The following THOC6 variants were observed in gnomAD, a reference collection of about 807,000 sequenced individuals.
The protein encoded by THOC6 is THO complex 6.
In THOC6, 39 loss-of-function variants were observed where a neutral mutation model predicts 55.8. The ratio of observed to expected loss-of-function variants is 0.70; its 90% confidence interval spans 0.54 to 0.91. The LOEUF (loss-of-function observed/expected upper bound fraction) is 0.91, where lower values mean the gene tolerates loss of function less well. Among genes scored for constraint, THOC6 ranks in the 40% least tolerant of loss-of-function variants. The pLI is 0.00. For missense variants in THOC6, 482 were observed against 442.0 expected, an observed-to-expected ratio of 1.09 and a Z score of -0.81; for synonymous variants, 192 against 175.6, an observed-to-expected ratio of 1.09 and a Z score of -0.74.
chr16:3,027,264 C>T lies in THOC6; in HGVS notation c.794C>T (p.Thr265Ile). The T allele has an allele frequency of 1.9e-6, 3 of 1,614,232 alleles. 1 individual carries two copies. The highest frequency in any genetic ancestry group is 2.2e-5 in the East Asian group (1 of 44,890). Residue 265 changes from threonine (T) to isoleucine (I), a missense_variant, in exon 11 of 13, where the codon ACC (threonine) becomes ATC (isoleucine). By Grantham distance (89) the Thr-to-Ile change is moderately conservative. Transcript: ENST00000326266. ...FPIRAPQKHV[T>I]FYQDLILSAG... ...ATCCGGGCGCCACAGAAGCACGTCA[C>T]CTTCTACCAGGACCTGGTGAGGCCC...
Position 3,024,151 on chromosome 16 carries a change from C to A in THOC6, c.-176C>A, listed in dbSNP as rs1035294223. On this transcript the variant is annotated 5_prime_UTR_variant, in exon 1 of 13. Transcript: ENST00000326266. ...AAGGGGGCTGCGGTGGACACCACTT[C>A]TTAATGTCGGGGGTCTTCGCGGCGC... 8 of 771,090 alleles carry A rather than the reference C, an allele frequency of 1.0e-5. No homozygotes were observed. The highest frequency in any genetic ancestry group is 1.7e-5 in the Non-Finnish European group (8 of 473,782). 47.8% of individuals were successfully genotyped at this position (771,090 alleles called of 1,614,324 possible). A position where few individuals can be genotyped will look rare whatever the true frequency, so the allele number is the denominator to read the frequency against.
rs780072471 is a variant in THOC6, at chr16:3,027,018, C to T, written c.644C>T (p.Ser215Leu). The change falls in exon 10 of 13, where the codon TCG (serine) becomes TTG (leucine). Residue 215 changes from serine (S) to leucine (L), a missense_variant. Physicochemically the swap from Ser to Leu is moderately radical, Grantham distance 145 (BLOSUM62 -2). Coordinates refer to ENST00000326266, the MANE Select transcript of THOC6 (RefSeq NM_024339.5). ...CTCCCCTCCCCATCCCAGGAGTGCT[C>T]GAGGCCCCACAATGGGCGCTGGATT... Reference protein sequence around the residue: ...TIEVYKHEECSRPHNGRWIGC... With the variant: ...TIEVYKHEECLRPHNGRWIGC... 11 of 1,614,040 alleles carry T rather than the reference C, an allele frequency of 6.8e-6. No homozygotes were observed. Among genetic ancestry groups the T allele is most frequent in the African/African-American group, 5.3e-5 (4 of 74,900 alleles).
In THOC6 at chr16:3,027,112, G is replaced by A. The variant is rs199992947; in HGVS notation, c.699+39G>A. The A allele has an allele frequency of 2.0e-5, 32 of 1,614,142 alleles. No individual in the cohort carries two copies. In the East Asian group the frequency reaches 6.9e-4, roughly 35 times the overall value. On this transcript the variant is annotated intron_variant, in intron 10 of 12. Transcript: ENST00000326266. ...ACTGTGGGATGGGATGGCAGCTCCGGGCCCTGTCAGCTGTGGGCCTGTGGT... is the reference window on the plus strand; with the variant it reads ...ACTGTGGGATGGGATGGCAGCTCCGAGCCCTGTCAGCTGTGGGCCTGTGGT...
At chr16:3,026,192 C>T in intron 4 of THOC6, 26 bp downstream of exon 4, 1 of 1,613,090 alleles carries the variant, frequency 6.2e-7, no homozygotes, top group Non-Finnish European at 8.5e-7. Flanking sequence ...TGGGAAAGGG[C>T]TGGGGTGCCT....
chr16:3,026,272 CGTCAGCCTCCATACAGGTGA>C lies in THOC6; in HGVS notation c.348_362+5del, dbSNP rs750782972. 1.2e-6 allele frequency: 2 copies of C among 1,613,972 alleles called. No homozygotes were observed. Among genetic ancestry groups the C allele is most frequent in the African/African-American group, 2.7e-5 (2 of 74,878 alleles). On this transcript the variant is annotated splice_donor_variant and splice_donor_region_variant and coding_sequence_variant and intron_variant, in exon 5 of 13. Transcript: ENST00000326266. LOFTEE classifies it high-confidence loss of function. ...GAAGGGCTGTAAGGAGCTGTGGCGTCGTCAGCCTCCATACAGGTGAGCAGGGCCACGTGGATAGAGGGTGC... is the reference window on the plus strand; with the variant it reads ...GAAGGGCTGTAAGGAGCTGTGGCGTCGCAGGGCCACGTGGATAGAGGGTGC...
Position 3,025,701 on chromosome 16 carries a change from C to T in THOC6, c.40-7C>T, listed in dbSNP as rs766241472. 2 of 1,613,364 alleles carry T rather than the reference C, an allele frequency of 1.2e-6. No homozygotes were observed. Among genetic ancestry groups the T allele is most frequent in the Non-Finnish European group, 1.7e-6 (2 of 1,179,302 alleles). On this transcript the variant is annotated splice_region_variant and splice_polypyrimidine_tract_variant and intron_variant, in intron 1 of 12. Transcript: ENST00000326266. ...CCAGGCAGGCCTCATCCAGTCTTTCCCTGCAGACAGAGGTGTTCCAGGCCT... is the reference window on the plus strand; with the variant it reads ...CCAGGCAGGCCTCATCCAGTCTTTCTCTGCAGACAGAGGTGTTCCAGGCCT...
rs534564847 is a variant in THOC6 at position 3,027,424 on chromosome 16, A to G, written c.869A>G (p.Lys290Arg). The change falls in exon 12 of 13, where the codon AAG (lysine) becomes AGG (arginine). Residue 290 changes from lysine (K) to arginine (R), a missense_variant. Transcript: ENST00000326266. ...CAGTGGCAGCTGAGCGGGGAGCTGA[A>G]GGCCCAGGTGCCTGGCTCCTCCCCA... is the stretch of plus-strand genomic sequence containing the variant. Reference protein sequence around the residue: ...VNQWQLSGELKAQVPGSSPGL... With the variant: ...VNQWQLSGELRAQVPGSSPGL... 8 of 1,612,144 alleles carry G rather than the reference A, an allele frequency of 5.0e-6. No homozygotes were observed. The Admixed American group carries it at 1.0e-4, about 20-fold the overall frequency.
In THOC6 at chr16:3,027,705, TTTTC is replaced by T; in HGVS notation, c.*52_*55del. The T allele has an allele frequency of 1.3e-6, 2 of 1,486,088 alleles. No homozygotes were observed. The highest frequency in any genetic ancestry group is 8.9e-7 in the Non-Finnish European group (1 of 1,117,786). 92.1% of individuals were successfully genotyped at this position (1,486,088 alleles called of 1,614,324 possible). On this transcript the variant is annotated 3_prime_UTR_variant, in exon 13 of 13. Transcript: ENST00000326266. ...GCTCAGGGTTTTAGAGTGTTTTTCA[TTTTC>T]TTTTTTTTTTTTTTTTTACAATAAA...
At position 3,027,338 on chromosome 16, in the gene THOC6, C is replaced by T. The variant is rs561197137; in HGVS notation, c.811-28C>T. On this transcript the variant is annotated intron_variant, in intron 11 of 12. Transcript: ENST00000326266. ...ACTGACTCTTCCCTTCAGTCCTGAC[C>T]CCTGAGCACCTTCCCTGTCCTCTGC... 4.3e-6 allele frequency: 7 copies of T among 1,613,878 alleles called. No homozygotes were observed. The Admixed American group carries it at 5.0e-5, about 12-fold the overall frequency.
Position 3,026,549 on chromosome 16 carries a change from C to G in THOC6, c.445C>G (p.Gln149Glu), listed in dbSNP as rs374551434. ...CCTCATCCTGGCTGGGGGAGACTGT[C>G]AGTTGCACACTATGGACCTTGAAAC... ...NSLILAGGDC[Q>E]LHTMDLETGT... Residue 149 changes from glutamine to glutamate, a missense_variant, in exon 7 of 13, where the codon CAG becomes GAG. Gln to Glu is a conservative substitution (Grantham distance 29, BLOSUM62 2). Transcript: ENST00000326266. The G allele has an allele frequency of 1.7e-5, 27 of 1,614,016 alleles. No individual in the cohort carries two copies. The highest frequency in any genetic ancestry group is 2.3e-5 in the Non-Finnish European group (27 of 1,180,020).
chr16:3,027,597 C>G lies in THOC6; in HGVS notation c.966C>G (p.Asn322Lys). Residue 322 changes from asparagine (N) to lysine (K), a missense_variant, in exon 13 of 13, where the codon AAC (asparagine) becomes AAG (lysine). Physicochemically the swap from Asn to Lys is moderately conservative, Grantham distance 94. Transcript: ENST00000326266. ...PECKVLTAAG[N>K]SCRVDVFTNL... ...TCCAGGTCCTGACAGCTGCAGGCAA[C>G]AGCTGCCGGGTGGATGTCTTCACCA... 1 of 1,614,146 alleles carries G rather than the reference C, an allele frequency of 6.2e-7. No individual in the cohort carries two copies. The highest frequency in any genetic ancestry group is 8.5e-7 in the Non-Finnish European group (1 of 1,180,008).
rs1330638676 is a variant in THOC6 at position 3,024,351 on chromosome 16, G to T, written c.25G>T (p.Val9Leu). The T allele has an allele frequency of 6.2e-7, 1 of 1,614,176 alleles. No homozygotes were observed. The highest frequency in any genetic ancestry group is 1.1e-5 in the South Asian group (1 of 91,088). The change falls in exon 1 of 13, where the codon GTG (valine) becomes TTG (leucine). Residue 9 changes from valine (V) to leucine (L), a missense_variant. Transcript: ENST00000326266. MERAVPLA[V>L]PLGQTEVFQA... ...GATGGAGCGAGCTGTGCCGCTCGCG[G>T]TGCCTCTGGGTCAGGTGAGACGGAC...
In THOC6 at chr16:3,026,569, T is replaced by G. The variant is rs1452756542; in HGVS notation, c.465T>G (p.Leu155=). 3.1e-6 allele frequency: 5 copies of G among 1,614,018 alleles called. No individual in the cohort carries two copies. The highest frequency in any genetic ancestry group is 4.2e-6 in the Non-Finnish European group (5 of 1,179,974). The part of the protein sequence containing the change: ...GGDCQLHTMD[L]ETGTFTRVLR... ...ACTGTCAGTTGCACACTATGGACCT[T>G]GAAACTGGGACTTTCACGGTGAGCA... The change falls in exon 7 of 13, where the codon CTT becomes CTG. Residue 155 remains leucine, a synonymous_variant. Coordinates refer to ENST00000326266, the MANE Select transcript of THOC6 (RefSeq NM_024339.5).
chr16:3,024,857 A>T (rs2072743226), intron 1 of THOC6, among the ~76,000 whole-genome samples: 1 of 150,810 alleles, frequency 6.6e-6, no homozygotes, highest in South Asian at 2.1e-4. Context: ...CTGGTCTCGA[A>T]CTCCTGACCT....
intron 1 of THOC6, 75 bp from the exon 2 acceptor site, chr16:3,025,633 G>T: frequency 1.4e-6 from 2 of 1,431,102 alleles, no homozygotes; most frequent in East Asian, 2.3e-5. Flanking sequence ...GCAGGTTTTG[G>T]GGGAAGCAGG....
intron 1 of THOC6, among the ~76,000 whole-genome samples, chr16:3,024,745 C>T (rs1375101329): frequency 1.3e-5 from 2 of 151,282 alleles, no homozygotes; most frequent in East Asian, 3.9e-4. Context: ...AGCGATTCTC[C>T]TGCCTCAGCC....
chr16:3,024,164 G>C lies in THOC6; in HGVS notation c.-163G>C. 1.2e-6 allele frequency: 1 copy of C among 825,324 alleles called. No individual in the cohort carries two copies. The highest frequency in any genetic ancestry group is 1.9e-6 in the Non-Finnish European group (1 of 517,548). The allele number at this position is 825,324 out of a possible 1,614,324, so 51.1% of individuals were successfully genotyped here. A position where few individuals can be genotyped will look rare whatever the true frequency, so the allele number is the denominator to read the frequency against. ...TGGACACCACTTCTTAATGTCGGGG[G>C]TCTTCGCGGCGCTCACCTCGGCTCC... On this transcript the variant is annotated 5_prime_UTR_variant, in exon 1 of 13. Coordinates refer to ENST00000326266, the MANE Select transcript of THOC6 (RefSeq NM_024339.5).
chr16:3,027,131 C>T lies in THOC6; in HGVS notation c.700-39C>T, dbSNP rs375370982. 6 of 1,614,168 alleles carry T rather than the reference C, an allele frequency of 3.7e-6. No individual in the cohort carries two copies. The East Asian group carries it at 1.3e-4, about 36-fold the overall frequency. On this transcript the variant is annotated intron_variant, in intron 10 of 12. Transcript: ENST00000326266. ...GCTCCGGGCCCTGTCAGCTGTGGGC[C>T]TGTGGTTCACAGCTGGGGACTCCCA...
intron 1 of THOC6, 128 bp downstream of exon 1, chr16:3,024,493 CA>C (rs1246802437): frequency 7.6e-6 from 9 of 1,182,832 alleles, no homozygotes; most frequent in East Asian, 4.8e-5. Context: ...AGACTCTGAC[CA>C]GGGGGGCGGG....
Sources: allele counts gnomAD v4.1 joint callset (sites outside exome capture counted in the v4.1 genomes callset), GRCh38; gene constraint gnomAD v4.1.1; transcripts MANE v1.5; gene names NCBI Gene and HGNC (gene_info 2026-07-23, HGNC 2026-07-21).